Variants in LAMB4 observed in about 807,000 individuals in gnomAD.
The protein encoded by LAMB4 is laminin subunit beta 4.
Under a neutral mutation model 199.2 loss-of-function variants are expected in LAMB4, and 196 were observed. The ratio of observed to expected loss-of-function variants is 0.98; its 90% CI spans 0.88 to 1.11. The LOEUF is 1.11. Among genes scored for constraint, LAMB4 ranks in the 50% least tolerant of loss-of-function variants. LAMB4 has a pLI of 0.00. For missense variants in LAMB4, 2,080 were observed against 2,171.2 expected (o/e 0.96, Z 0.83); for synonymous variants, 744 against 770.6 (o/e 0.97, Z 0.57).
intron 5 of LAMB4, among the ~76,000 whole-genome samples, chr7:108,108,773 T>A (rs2038114624): frequency 6.6e-6 from 1 of 152,102 alleles, no homozygotes; most frequent in African/African-American, 2.4e-5. Context: ...GCACAATGAT[T>A]TTCTCTGTCA....
chr7:108,084,569 G>A (rs2037090292), intron 14 of LAMB4, among the ~76,000 whole-genome samples: 1 of 152,098 alleles, frequency 6.6e-6, no homozygotes, highest in South Asian at 2.1e-4. Context: ...TGCAGATAGT[G>A]CACAACACGG....
the LAMB4 span, among the ~76,000 whole-genome samples, chr7:108,016,486 A>G: frequency 1.3e-5 from 2 of 152,018 alleles, no homozygotes; most frequent in South Asian, 4.1e-4. Flanking sequence ...GTTTCACCAT[A>G]TCGGCCAGGT....
intron 30 of LAMB4, among the ~76,000 whole-genome samples, chr7:108,036,350 G>C (rs116840092): frequency 6.6e-6 from 1 of 151,844 alleles, no homozygotes; most frequent in African/African-American, 2.4e-5. Context: ...CACTACACCC[G>C]GCAAATTTTG....
chr7:108,112,386 G>T (rs1050394420), intron 3 of LAMB4, among the ~76,000 whole-genome samples: 1 of 151,602 alleles, frequency 6.6e-6, no homozygotes, highest in African/African-American at 2.4e-5. Flanking sequence ...CAATCTCCTG[G>T]GTTCAAGAGA....
chr7:108,066,158 A>T (rs577888587), intron 20 of LAMB4, among the ~76,000 whole-genome samples: 1 of 152,328 alleles, frequency 6.6e-6, no homozygotes, highest in African/African-American at 2.4e-5. Flanking sequence ...AGAAAGTAAC[A>T]TGCCAGGCAA....
At chr7:108,081,991 A>G (rs1357240761) in intron 14 of LAMB4, among the ~76,000 whole-genome samples, 1 of 152,218 alleles carries the variant, frequency 6.6e-6, no homozygotes, top group Non-Finnish European at 1.5e-5. Context: ...CTTAAACTAG[A>G]GGGCAAGAAG....
At chr7:108,027,760 C>T (rs905580399) in intron 33 of LAMB4, among the ~76,000 whole-genome samples, 8 of 151,986 alleles carry the variant, frequency 5.3e-5, no homozygotes, top group Non-Finnish European at 1.0e-4. Flanking sequence ...TTCTGATTAG[C>T]TTTCTGATTG....
chr7:108,033,415 T>C (rs2035109409), intron 31 of LAMB4, among the ~76,000 whole-genome samples: 1 of 152,096 alleles, frequency 6.6e-6, no homozygotes, highest in African/African-American at 2.4e-5. Flanking sequence ...TGCTTTCTGC[T>C]TTGTTTGTTT....
intron 6 of LAMB4, among the ~76,000 whole-genome samples, chr7:108,107,130 T>C (rs187164728): frequency 4.3e-4 from 65 of 152,340 alleles, no homozygotes; most frequent in Middle Eastern, 3.4e-3. Context: ...AATTTGGATT[T>C]GGTGGTGAAC....
the LAMB4 span, among the ~76,000 whole-genome samples, chr7:108,015,932 T>C: frequency 0.38 from 58,016 of 151,970 alleles, 12,135 homozygotes; most frequent in African/African-American, 0.57. Flanking sequence ...TCGCTTTGTC[T>C]TTTGTTTTCT....
intron 23 of LAMB4, among the ~76,000 whole-genome samples, chr7:108,058,998 A>G (rs1337815563): frequency 6.6e-6 from 1 of 151,548 alleles, no homozygotes; most frequent in African/African-American, 2.4e-5. Context: ...CTGCTCAAAT[A>G]TAAGGAGTTA....
At position 108,049,495 on chromosome 7, in the gene LAMB4, G is replaced by A; in HGVS notation, c.3953C>T (p.Ser1318Leu). Residue 1318 changes from serine (S) to leucine (L), a missense_variant, in exon 27 of 34, where the codon TCA becomes TTA. Coordinates refer to ENST00000388781, the MANE Select transcript of LAMB4 (RefSeq NM_007356.3). ...ATTAATTTTCTTTTCAGCAGATGAT[G>A]ATATGTGATAATATTTCTTGATGTT... is the stretch of plus-strand genomic sequence containing the variant. ...SENIKKYYHI[S>L]SSAEKKINET... 6.2e-7 allele frequency: 1 copy of A among 1,605,718 alleles called. No homozygotes were observed. The highest frequency in any genetic ancestry group is 1.1e-5 in the South Asian group (1 of 90,766).
chr7:108,115,880 A>T, intron 3 of LAMB4, 124 bp downstream of exon 3: 2 of 1,025,478 alleles, frequency 2.0e-6, no homozygotes, highest in Non-Finnish European at 2.8e-6. Flanking sequence ...CAACTGCACC[A>T]GTGTCTCCAT....
intron 24 of LAMB4, among the ~76,000 whole-genome samples, chr7:108,057,247 A>G (rs2036013888): frequency 6.6e-6 from 1 of 152,186 alleles, no homozygotes; most frequent in African/African-American, 2.4e-5. Context: ...CATTTTTATG[A>G]AATAAGATTA....
At chr7:108,047,170 A>G (rs2035655214) in intron 28 of LAMB4, among the ~76,000 whole-genome samples, 1 of 152,030 alleles carries the variant, frequency 6.6e-6, no homozygotes, top group Non-Finnish European at 1.5e-5. Context: ...TGTATCTTGA[A>G]TTCTTTCTCT....
At chr7:108,119,274 C>G (rs933113584) in intron 2 of LAMB4, among the ~76,000 whole-genome samples, 1 of 152,178 alleles carries the variant, frequency 6.6e-6, no homozygotes, top group African/African-American at 2.4e-5. Flanking sequence ...AGCAAGGGAA[C>G]TCTTGAGTAT....
intron 26 of LAMB4, among the ~76,000 whole-genome samples, chr7:108,051,840 A>G (rs1027510169): frequency 6.6e-6 from 1 of 152,158 alleles, no homozygotes; most frequent in Non-Finnish European, 1.5e-5. Flanking sequence ...GTTTGGCACT[A>G]GATTACTTTG....
Position 108,024,182 on chromosome 7 carries a change from AAAG to A in LAMB4, c.5147-7_5147-5del, listed in dbSNP as rs774831033. ...TCTTGGATTTTCCTTTCTAAATCTG[AAAG>A]AAGAAAATGAAAGAAATGATATATT... On this transcript the variant is annotated splice_polypyrimidine_tract_variant and splice_region_variant and intron_variant, in intron 33 of 33. Coordinates refer to ENST00000388781, the MANE Select transcript of LAMB4 (RefSeq NM_007356.3). The A allele has an allele frequency of 3.5e-4, 529 of 1,520,382 alleles. No homozygotes were observed. Among genetic ancestry groups the A allele is most frequent in the Non-Finnish European group, 4.4e-4 (486 of 1,116,938 alleles). 94.2% of individuals were successfully genotyped at this position (1,520,382 alleles called of 1,614,324 possible). A position where few individuals can be genotyped will look rare whatever the true frequency, so the allele number is the denominator to read the frequency against.
At chr7:108,104,819 G>T (rs2037944419) in intron 8 of LAMB4, among the ~76,000 whole-genome samples, 200 bp from the exon 9 acceptor site, 1 of 151,908 alleles carries the variant, frequency 6.6e-6, no homozygotes, top group South Asian at 2.1e-4. Context: ...TAAAAGTTCA[G>T]TGAACTTCTA....
Sources: gnomAD v4.1 joint callset for allele counts (sites outside exome capture counted in the v4.1 genomes callset) on GRCh38, gnomAD v4.1.1 for gene constraint, MANE v1.5 for transcripts, NCBI Gene and HGNC (gene_info 2026-07-23, HGNC 2026-07-21) for gene names.